The following ZNF254 variants were observed in gnomAD, a reference collection of about 807,000 sequenced individuals.
The protein encoded by ZNF254 is zinc finger protein 254.
Under a neutral mutation model 12.4 loss-of-function variants are expected in ZNF254, and 10 were observed. The ratio of observed to expected loss-of-function variants is 0.80; its 90% CI spans 0.50 to 1.36. The LOEUF (loss-of-function observed/expected upper bound fraction) is 1.36, where lower values mean the gene tolerates loss of function less well. Ranked by LOEUF, ZNF254 falls within the 40% of genes most tolerant of loss-of-function variation. ZNF254 has a pLI of 0.00. For missense variants in ZNF254, 996 were observed against 763.9 expected (o/e 1.30, Z -3.58); for synonymous variants, 305 against 253.4 (o/e 1.20, Z -1.93).
At chr19:24,102,389 GT>G (rs200269352) in intron 1 of ZNF254, among the ~76,000 whole-genome samples, 72 of 141,368 alleles carry the variant, frequency 5.1e-4, no homozygotes, top group African/African-American at 9.1e-4. Context: ...TGAGATTTAA[GT>G]TTTTTTTTTT....
At chr19:24,103,392 A>G (rs1274458413) in intron 1 of ZNF254, among the ~76,000 whole-genome samples, 2 of 152,192 alleles carry the variant, frequency 1.3e-5, no homozygotes, top group East Asian at 1.9e-4. Flanking sequence ...AGTGGGGCCA[A>G]TTTTACAAAG....
chr19:24,042,700 C>T (rs893868488), intron 1 of ZNF254, among the ~76,000 whole-genome samples: 3 of 152,180 alleles, frequency 2.0e-5, no homozygotes, highest in African/African-American at 7.2e-5. Context: ...CCGGACAAAC[C>T]AGTACCTGTG....
chr19:24,060,286 T>C (rs991675172), intron 2 of ZNF254, among the ~76,000 whole-genome samples: 8 of 152,240 alleles, frequency 5.3e-5, no homozygotes, highest in Admixed American at 1.3e-4. Flanking sequence ...TAATGATATC[T>C]ATTGCTGGTT....
chr19:24,120,337 A>G (rs3844579), intron 3 of ZNF254, among the ~76,000 whole-genome samples: 46,791 of 152,074 alleles, frequency 0.31, 8,753 homozygotes, highest in African/African-American at 0.53. Flanking sequence ...TAAAAATGGA[A>G]TTTACATAAA....
At chr19:24,116,448 A>T (rs1025143067) in intron 3 of ZNF254, among the ~76,000 whole-genome samples, 2 of 151,654 alleles carry the variant, frequency 1.3e-5, no homozygotes, top group East Asian at 3.9e-4. Context: ...CATTCATTTC[A>T]TCTTCTGTCA....
At chr19:24,049,201 TATATATATA>T (rs1970535053) in intron 2 of ZNF254, among the ~76,000 whole-genome samples, 10 of 67,448 alleles carry the variant, frequency 1.5e-4, no homozygotes, top group African/African-American at 4.6e-4. Flanking sequence ...TATATATATA[TATATATATA>T]TATATTTTTT....
At chr19:24,117,966 A>G (rs1281144329) in intron 3 of ZNF254, among the ~76,000 whole-genome samples, 4 of 151,918 alleles carry the variant, frequency 2.6e-5, no homozygotes, top group African/African-American at 4.8e-5. Context: ...TTTTATTTTT[A>G]GTTATTTGAA....
intron 2 of ZNF254, among the ~76,000 whole-genome samples, chr19:24,057,490 C>A (rs1298766923): frequency 6.6e-6 from 1 of 152,170 alleles, no homozygotes; most frequent in African/African-American, 2.4e-5. Flanking sequence ...CAAAAGATTG[C>A]GACTCTCATG....
At chr19:24,060,205 T>TA (rs1231200044) in intron 2 of ZNF254, among the ~76,000 whole-genome samples, 1 of 152,200 alleles carries the variant, frequency 6.6e-6, no homozygotes, top group African/African-American at 2.4e-5. Flanking sequence ...GGGATATTGT[T>TA]ACGTACCTTT....
chr19:24,122,767 C>G (rs1019564347), intron 3 of ZNF254, among the ~76,000 whole-genome samples: 1 of 146,258 alleles, frequency 6.8e-6, no homozygotes, highest in Non-Finnish European at 1.5e-5. Context: ...TGAAAGAAAT[C>G]TGCCTTGCTT....
chr19:24,043,371 C>G (rs1197096508), intron 1 of ZNF254, among the ~76,000 whole-genome samples: 2 of 152,104 alleles, frequency 1.3e-5, no homozygotes, highest in Non-Finnish European at 2.9e-5. Context: ...AAGCAATTCT[C>G]CTGTCTCAGC....
intron 1 of ZNF254, among the ~76,000 whole-genome samples, chr19:24,088,619 A>C (rs1972172673): frequency 6.6e-6 from 1 of 151,976 alleles, no homozygotes; most frequent in South Asian, 2.1e-4. Flanking sequence ...TTTAGGGTAG[A>C]TTTTGATACC....
intron 2 of ZNF254, chr19:24,079,254 G>A (rs1411866774): frequency 1.3e-5 from 2 of 152,086 alleles, no homozygotes; most frequent in African/African-American, 2.4e-5. Context: ...TTGGTTCAGC[G>A]GGCATTTTTG....
At position 24,117,753 on chromosome 19, in the gene ZNF254, G is replaced by A. The variant is rs1370300982; in HGVS notation, c.254-8501G>A. Among the ~76,000 whole-genome samples the A allele has an allele frequency of 3.9e-5, 6 of 152,074 alleles. No homozygotes were observed. In the East Asian group the frequency reaches 5.8e-4, roughly 15 times the overall value. ...CCTAGTGAGATGAACCCGGTACCTC[G>A]GATGGAAATGCAGAAATCACCCGTC... On this transcript the variant is annotated intron_variant, in intron 3 of 3. Transcript: ENST00000357002.
At chr19:24,093,835 A>G (rs1416531723) in intron 1 of ZNF254, among the ~76,000 whole-genome samples, 1 of 151,978 alleles carries the variant, frequency 6.6e-6, no homozygotes, top group Non-Finnish European at 1.5e-5. Context: ...TATTTTGGTC[A>G]TTTGATTAGA....
chr19:24,090,852 A>G (rs557799661), intron 1 of ZNF254, among the ~76,000 whole-genome samples: 87 of 150,950 alleles, frequency 5.8e-4, no homozygotes, highest in African/African-American at 1.9e-3. Flanking sequence ...CTAATAATAT[A>G]TTTTATTTGT....
intron 2 of ZNF254, among the ~76,000 whole-genome samples, chr19:24,051,734 A>G (rs964245803): frequency 6.7e-6 from 1 of 149,946 alleles, no homozygotes; most frequent in Non-Finnish European, 1.5e-5. Context: ...CTTTCTGTTA[A>G]TCACCTAGGT....
chr19:24,059,239 C>T (rs1401117931), intron 2 of ZNF254, among the ~76,000 whole-genome samples: 1 of 152,208 alleles, frequency 6.6e-6, no homozygotes, highest in African/African-American at 2.4e-5. Flanking sequence ...CCTCCCATTT[C>T]CTACCCTGTG....
chr19:24,093,696 G>T (rs773485983), intron 1 of ZNF254, among the ~76,000 whole-genome samples: 3 of 152,300 alleles, frequency 2.0e-5, no homozygotes, highest in Non-Finnish European at 4.4e-5. Context: ...CAGCTCTGTA[G>T]TATAATTTGA....
Sources: gnomAD v4.1 joint callset for allele counts (sites outside exome capture counted in the v4.1 genomes callset) on GRCh38, gnomAD v4.1.1 for gene constraint, MANE v1.5 for transcripts, NCBI Gene and HGNC (gene_info 2026-07-23, HGNC 2026-07-21) for gene names.